Variants in CTNNA3 observed in about 807,000 individuals in gnomAD.
CTNNA3 encodes the protein catenin alpha-3.
Under a neutral mutation model 95.7 loss-of-function variants are expected in CTNNA3, and 76 were observed. The observed-to-expected ratio is 0.79, with a 90% CI of 0.66 to 0.96. The LOEUF (loss-of-function observed/expected upper bound fraction) is 0.96. Ranked by LOEUF, CTNNA3 falls within the 40% of genes least tolerant of loss-of-function variation. The pLI is 0.00. For missense variants in CTNNA3, 1,191 were observed against 1,089.8 expected (o/e 1.09, Z -1.31); for synonymous variants, 431 against 374.4 (o/e 1.15, Z -1.74).
At chr10:66,645,334 A>T (rs1372060522) in intron 9 of CTNNA3, among the ~76,000 whole-genome samples, 1 of 152,016 alleles carries the variant, frequency 6.6e-6, no homozygotes, top group Non-Finnish European at 1.5e-5. Context: ...TTTATATTAT[A>T]ATTTTTTAAT....
chr10:67,266,628 T>C (rs1416344060), intron 5 of CTNNA3, among the ~76,000 whole-genome samples: 3 of 152,156 alleles, frequency 2.0e-5, no homozygotes, highest in Non-Finnish European at 2.9e-5. Flanking sequence ...AGTGAGTAAC[T>C]ATCATGATAA....
chr10:67,196,580 A>C (rs1863379347), intron 6 of CTNNA3, among the ~76,000 whole-genome samples: 1 of 152,080 alleles, frequency 6.6e-6, no homozygotes, highest in South Asian at 2.1e-4. Context: ...AATTTCACTC[A>C]TCTGATTTCA....
chr10:66,360,816 C>CCTTTCTTTCTTTCTTTCTTTCTTT (rs758092288), intron 12 of CTNNA3, among the ~76,000 whole-genome samples: 14 of 50,272 alleles, frequency 2.8e-4, no homozygotes, highest in Non-Finnish European at 4.6e-4. Flanking sequence ...TTCCTTCCTT[C>CCTTTCTTTCTTTCTTTCTTTCTTT]CTTTCTTTCT....
intron 1 of CTNNA3, among the ~76,000 whole-genome samples, chr10:67,758,383 G>A (rs960492553): frequency 1.3e-5 from 2 of 150,322 alleles, no homozygotes; most frequent in African/African-American, 4.9e-5. Flanking sequence ...TGTTTCTCTA[G>A]AGAACCCTAA....
chr10:66,756,861 T>G (rs1839380990), intron 9 of CTNNA3, among the ~76,000 whole-genome samples: 1 of 152,172 alleles, frequency 6.6e-6, no homozygotes. Flanking sequence ...TCCACCTTGT[T>G]GAGCCTTGTC....
intron 10 of CTNNA3, among the ~76,000 whole-genome samples, chr10:66,602,672 C>T (rs1843971727): frequency 6.6e-6 from 1 of 151,850 alleles, no homozygotes. Flanking sequence ...ATATATCTGA[C>T]ACACATAGAT....
At chr10:66,607,246 T>A (rs1844157708) in intron 10 of CTNNA3, among the ~76,000 whole-genome samples, 1 of 151,886 alleles carries the variant, frequency 6.6e-6, no homozygotes, top group Non-Finnish European at 1.5e-5. Context: ...ACTGAATCCA[T>A]GAACAGACTA....
chr10:67,742,358 C>T (rs983278417), intron 1 of CTNNA3, among the ~76,000 whole-genome samples: 2 of 151,090 alleles, frequency 1.3e-5, no homozygotes, highest in African/African-American at 4.9e-5. Flanking sequence ...CACTCAAAAC[C>T]ACTCAACTAC....
intron 1 of CTNNA3, among the ~76,000 whole-genome samples, chr10:67,710,254 T>C (rs1353069042): frequency 6.6e-6 from 1 of 151,402 alleles, no homozygotes; most frequent in East Asian, 1.9e-4. Context: ...GTCCCAAACA[T>C]GATGTTAAGA....
intron 9 of CTNNA3, among the ~76,000 whole-genome samples, chr10:66,667,420 T>G (rs1249056110): frequency 3.3e-5 from 5 of 152,184 alleles, no homozygotes; most frequent in Non-Finnish European, 7.4e-5. Flanking sequence ...CTGAGAATAT[T>G]GTCCCGCACA....
At chr10:66,848,268 AG>A (rs1355681216) in intron 7 of CTNNA3, among the ~76,000 whole-genome samples, 1 of 152,210 alleles carries the variant, frequency 6.6e-6, no homozygotes, top group African/African-American at 2.4e-5. Flanking sequence ...TAATTTAATG[AG>A]CCAAAAACCT....
At chr10:66,534,683 T>C (rs1841592647) in intron 10 of CTNNA3, among the ~76,000 whole-genome samples, 1 of 149,970 alleles carries the variant, frequency 6.7e-6, no homozygotes, top group Non-Finnish European at 1.5e-5. Flanking sequence ...TGGTAATATA[T>C]AAAATTATTC....
At chr10:66,886,581 G>A (rs373966843) in intron 7 of CTNNA3, among the ~76,000 whole-genome samples, 12 of 152,226 alleles carry the variant, frequency 7.9e-5, no homozygotes, top group East Asian at 5.8e-4. Flanking sequence ...GACATGTTAT[G>A]AATTCTACCT....
At chr10:66,145,889 C>G (rs1206940746) in intron 13 of CTNNA3, among the ~76,000 whole-genome samples, 2 of 152,104 alleles carry the variant, frequency 1.3e-5, no homozygotes, top group Non-Finnish European at 1.5e-5. Flanking sequence ...GAGTCTTGCT[C>G]TGCTGCCAGG....
intron 7 of CTNNA3, among the ~76,000 whole-genome samples, chr10:67,012,814 G>A (rs879765398): frequency 3.9e-5 from 6 of 151,992 alleles, no homozygotes; most frequent in African/African-American, 7.3e-5. Context: ...TATTAAAAGC[G>A]ATCCTAGAAA....
intron 7 of CTNNA3, among the ~76,000 whole-genome samples, chr10:67,001,273 C>T (rs1486542960): frequency 2.0e-5 from 3 of 147,206 alleles, no homozygotes; most frequent in Admixed American, 6.8e-5. Context: ...TGCACTCCAG[C>T]CTGACGACAG....
chr10:66,451,085 C>G lies in CTNNA3; in HGVS notation c.1531+69532G>C, dbSNP rs1008734151. 1.6e-4 allele frequency among the ~76,000 whole-genome samples: 24 copies of G among 152,178 alleles called. 1 individual carries two copies. Among genetic ancestry groups the G allele is most frequent in the African/African-American group, 5.8e-4 (24 of 41,548 alleles). On this transcript the variant is annotated intron_variant, in intron 11 of 17. Transcript: ENST00000433211. ...ACACACACATACACACACATACACTCACATACACTTAAAGACTATGCCTTC... is the reference window on the plus strand; with the variant it reads ...ACACACACATACACACACATACACTGACATACACTTAAAGACTATGCCTTC...
intron 1 of CTNNA3, among the ~76,000 whole-genome samples, chr10:67,666,131 G>A (rs1302472154): frequency 6.6e-6 from 1 of 151,964 alleles, no homozygotes; most frequent in African/African-American, 2.4e-5. Context: ...TTGTTATATG[G>A]GTATACTACA....
intron 7 of CTNNA3, among the ~76,000 whole-genome samples, chr10:67,107,831 T>A (rs569577899): frequency 1.3e-5 from 2 of 152,286 alleles, no homozygotes; most frequent in African/African-American, 4.8e-5. Context: ...TCCAGTCCAT[T>A]TGCAGCAAGG....
Sources: gnomAD v4.1 joint callset for allele counts (sites outside exome capture counted in the v4.1 genomes callset) on GRCh38, gnomAD v4.1.1 for gene constraint, MANE v1.5 for transcripts, NCBI Gene and HGNC (gene_info 2026-07-23, HGNC 2026-07-21) for gene names.